The following TUB variants were observed in gnomAD, a reference collection of about 807,000 sequenced individuals.
The protein encoded by TUB is TUB bipartite transcription factor.
TUB carries 33 observed loss-of-function variants against 59.7 expected under a neutral mutation model. The observed-to-expected ratio is 0.55, with a 90% CI of 0.42 to 0.74. TUB has a LOEUF of 0.74. TUB is among the 30% of genes least tolerant of loss of function. TUB has a pLI of 0.00. For missense variants in TUB, 659 were observed against 672.0 expected (o/e 0.98, Z 0.21); for synonymous variants, 293 against 256.4 (o/e 1.14, Z -1.36).
chr11:8,052,784 T>A (rs1004598656), intron 2 of TUB, among the ~76,000 whole-genome samples: 7 of 152,208 alleles, frequency 4.6e-5, no homozygotes, highest in African/African-American at 1.2e-4. Context: ...CGGACCTTTT[T>A]AATTATATTT....
At chr11:8,038,256 C>G (rs190334299), upstream of TUB, among the ~76,000 whole-genome samples, 20 of 152,294 alleles carry the variant, frequency 1.3e-4, no homozygotes, top group South Asian at 6.2e-4. Context: ...CACAATGCAG[C>G]CTTGGATGTT....
intron 1 of TUB, among the ~76,000 whole-genome samples, chr11:8,032,075 A>G (rs1465519934): frequency 1.3e-5 from 2 of 152,000 alleles, no homozygotes; most frequent in Non-Finnish European, 2.9e-5. Context: ...CCGCGACTGC[A>G]CAGAGCCTCC....
At chr11:8,075,485 T>C (rs1178916530) in intron 2 of TUB, 2 of 152,248 alleles carry the variant, frequency 1.3e-5, no homozygotes, top group East Asian at 3.8e-4. Context: ...GAGGATTAAA[T>C]GGGAGAAGTG....
chr11:8,098,976 C>G lies in TUB; in HGVS notation c.1116+101C>G, dbSNP rs910133326. ...TATCCCATCCATCTTAGTGGGTAGA[C>G]AAGGCTGTGTGGAGAGGGGCTGTCC... is the stretch of plus-strand genomic sequence containing the variant. On this transcript the variant is annotated intron_variant, in intron 9 of 11. Transcript: ENST00000299506. The G allele has an allele frequency of 3.0e-5, 27 of 890,972 alleles. No individual in the cohort carries two copies. The East Asian group carries it at 3.4e-4, about 11-fold the overall frequency. The allele number at this position is 890,972 out of a possible 1,614,324, so 55.2% of individuals were successfully genotyped here.
rs1244333311 is a variant in TUB, at chr11:8,063,423, C to T, written c.203+23731C>T. On this transcript the variant is annotated intron_variant, in intron 2 of 12. Coordinates refer to the TUB transcript ENST00000305253. Reference sequence around the variant, plus strand: ...TTAACATGAAGGCAGCATGAAGTAGCCGACTGCACGTTTGCTTCCATGGTT... The same window carrying T: ...TTAACATGAAGGCAGCATGAAGTAGTCGACTGCACGTTTGCTTCCATGGTT... Among the ~76,000 whole-genome samples the T allele has an allele frequency of 3.3e-5, 5 of 152,346 alleles. No homozygotes were observed. In the East Asian group the frequency reaches 9.6e-4, roughly 29 times the overall value.
At chr11:8,020,062 G>T (rs1942399704) in intron 1 of TUB, among the ~76,000 whole-genome samples, 1 of 152,252 alleles carries the variant, frequency 6.6e-6, no homozygotes, top group Non-Finnish European at 1.5e-5. Flanking sequence ...AATAAGAACG[G>T]AGTGAGTTGG....
chr11:8,064,720 G>C (rs1055033745), intron 2 of TUB, among the ~76,000 whole-genome samples: 4 of 152,206 alleles, frequency 2.6e-5, no homozygotes, highest in African/African-American at 9.6e-5. Context: ...CCCAGTGATA[G>C]AAACTAGGTG....
chr11:8,038,599 A>C, upstream of TUB: 1 of 1,153,598 alleles, frequency 8.7e-7, no homozygotes, highest in Non-Finnish European at 1.1e-6. Context: ...GAAACCAGCA[A>C]TTGGGTGTCC....
chr11:8,090,726 G>C (rs1259707001), intron 3 of TUB, among the ~76,000 whole-genome samples: 1 of 152,168 alleles, frequency 6.6e-6, no homozygotes, highest in Admixed American at 6.5e-5. Context: ...AAGAGCTGTA[G>C]TGACCTGGAG....
Position 8,103,025 on chromosome 11 carries a change from T to G in TUB, c.*1406T>G, listed in dbSNP as rs752459737. ...CAGTAGGAAATCAGGCAGTTCCCTG[T>G]TGAAAGTTGTCTGGCTTTTTGCACG... On this transcript the variant is annotated 3_prime_UTR_variant, in exon 12 of 12. Coordinates refer to ENST00000299506, the MANE Select transcript of TUB (RefSeq NM_177972.3). The G allele has an allele frequency of 1.1e-4, 17 of 152,286 alleles. No individual in the cohort carries two copies. The highest frequency in any genetic ancestry group is 4.1e-4 in the African/African-American group (17 of 41,474). The allele number at this position is 152,286 out of a possible 1,614,324, so 9.4% of individuals were successfully genotyped here. A position where few individuals can be genotyped will look rare whatever the true frequency, so the allele number is the denominator to read the frequency against.
At chr11:8,069,036 G>A (rs1943305307) in intron 2 of TUB, 1 of 152,234 alleles carries the variant, frequency 6.6e-6, no homozygotes, top group Admixed American at 6.5e-5. Flanking sequence ...AGACTGAGCA[G>A]GAAGGGCCGC....
chr11:8,052,733 A>G (rs1270688950), intron 2 of TUB, among the ~76,000 whole-genome samples: 1 of 152,112 alleles, frequency 6.6e-6, no homozygotes, highest in Non-Finnish European at 1.5e-5. Flanking sequence ...CCTTGGCCTC[A>G]CAAAGTGCTG....
chr11:8,094,028 G>C lies in TUB; in HGVS notation c.254-18G>C, dbSNP rs758928322. 8 of 1,614,102 alleles carry C rather than the reference G, an allele frequency of 5.0e-6. No homozygotes were observed. The highest frequency in any genetic ancestry group is 1.7e-5 in the Admixed American group (1 of 60,024). On this transcript the variant is annotated intron_variant, in intron 3 of 11. Coordinates refer to ENST00000299506, the MANE Select transcript of TUB (RefSeq NM_177972.3). ...CTGCCTGTTTCTCTCTCTCCATCTG[G>C]GGATGTTTCCTGAGCAGTTCAAGAG... is the stretch of plus-strand genomic sequence containing the variant.
intron 2 of TUB, among the ~76,000 whole-genome samples, chr11:8,046,120 TGCTCTCTCACTCTCTA>T (rs1365070695): frequency 1.3e-5 from 2 of 152,174 alleles, no homozygotes; most frequent in African/African-American, 4.8e-5. Context: ...CTCAGTCTCT[TGCTCTCTCACTCTCTA>T]GCTCTTCCTT....
intron 2 of TUB, among the ~76,000 whole-genome samples, chr11:8,046,233 C>G (rs1233143590): frequency 6.6e-6 from 1 of 152,206 alleles, no homozygotes; most frequent in African/African-American, 2.4e-5. Flanking sequence ...CCTTGCACCA[C>G]CTTTTGTCCA....
intron 2 of TUB, among the ~76,000 whole-genome samples, chr11:8,044,226 G>C (rs1312441128): frequency 6.6e-6 from 1 of 152,006 alleles, no homozygotes; most frequent in Admixed American, 6.6e-5. Context: ...GCTTAATATT[G>C]TTCCAGAGTT....
At chr11:8,044,733 C>T (rs1942803823) in intron 2 of TUB, among the ~76,000 whole-genome samples, 1 of 152,248 alleles carries the variant, frequency 6.6e-6, no homozygotes, top group Non-Finnish European at 1.5e-5. Flanking sequence ...AGGTTGTCAC[C>T]TATACTTCTG....
At chr11:8,032,484 T>C (rs1224902500) in intron 1 of TUB, among the ~76,000 whole-genome samples, 1 of 152,228 alleles carries the variant, frequency 6.6e-6, no homozygotes, top group African/African-American at 2.4e-5. Context: ...AAACTGTTTA[T>C]TGGAAAACAG....
At chr11:8,070,719 A>AG (rs1278484281) in intron 2 of TUB, among the ~76,000 whole-genome samples, 4 of 152,202 alleles carry the variant, frequency 2.6e-5, no homozygotes, top group Non-Finnish European at 2.9e-5. Flanking sequence ...CTTGCGGGGC[A>AG]GGGATGGGAA....
Sources: gnomAD v4.1 joint callset for allele counts (sites outside exome capture counted in the v4.1 genomes callset) on GRCh38, gnomAD v4.1.1 for gene constraint, MANE v1.5 for transcripts, NCBI Gene and HGNC (gene_info 2026-07-23, HGNC 2026-07-21) for gene names.